Variants in CFAP299 observed in about 807,000 individuals in gnomAD.
The protein encoded by CFAP299 is cilia and flagella associated protein 299, also known as cilia- and flagella-associated protein 299.
Under a neutral mutation model 27.0 loss-of-function variants are expected in CFAP299, and 21 were observed. That is an observed-to-expected ratio of 0.78 (90% confidence interval 0.55 to 1.12). The LOEUF (loss-of-function observed/expected upper bound fraction) is 1.12, where lower values mean the gene tolerates loss of function less well. Ranked by LOEUF, CFAP299 falls within the 50% of genes most tolerant of loss-of-function variation. The pLI is 0.00. For synonymous variants in CFAP299, 104 were observed against 98.1 expected, an observed-to-expected ratio of 1.06 and a Z score of -0.36; for missense variants, 310 against 276.6, an observed-to-expected ratio of 1.12 and a Z score of -0.86.
chr4:80,958,930 G>A lies in CFAP299; in HGVS notation c.607-4587G>A, dbSNP rs766854341. Reference sequence around the variant, plus strand: ...ATTATAACCTGGAAGAGAGACTTCAGAGAAGCAGCAGAGTAAAACAGTACT... The same window carrying A: ...ATTATAACCTGGAAGAGAGACTTCAAAGAAGCAGCAGAGTAAAACAGTACT... On this transcript the variant is annotated intron_variant, in intron 5 of 5. Coordinates refer to ENST00000358105, the MANE Select transcript of CFAP299 (RefSeq NM_152770.3). Among the ~76,000 whole-genome samples, 26 of 152,306 alleles carry A rather than the reference G, an allele frequency of 1.7e-4. No homozygotes were observed. The East Asian group carries it at 3.9e-3, about 23-fold the overall frequency.
At chr4:80,669,145 CTTTCTTTTTTTT>C (rs1404007484) in intron 3 of CFAP299, among the ~76,000 whole-genome samples, 7 of 16,428 alleles carry the variant, frequency 4.3e-4, no homozygotes, top group South Asian at 0.011. Flanking sequence ...TTCTTTCTTT[CTTTCTTTTTTTT>C]TTTTTTTTTT....
intron 2 of CFAP299, among the ~76,000 whole-genome samples, chr4:80,578,962 G>A (rs1010875104): frequency 3.9e-5 from 6 of 152,144 alleles, no homozygotes; most frequent in African/African-American, 7.2e-5. Context: ...TCGCACAAGA[G>A]CATCTTTTTC....
chr4:80,744,526 G>T (rs1724473773), intron 3 of CFAP299, among the ~76,000 whole-genome samples: 1 of 151,816 alleles, frequency 6.6e-6, no homozygotes, highest in Non-Finnish European at 1.5e-5. Flanking sequence ...CATGTGAAGG[G>T]GTGACTTATT....
chr4:80,900,607 G>T (rs796131023), intron 4 of CFAP299, among the ~76,000 whole-genome samples: 4 of 152,140 alleles, frequency 2.6e-5, no homozygotes, highest in African/African-American at 9.6e-5. Flanking sequence ...TTAAGAAGGG[G>T]TTGCTTCTTT....
intron 4 of CFAP299, among the ~76,000 whole-genome samples, chr4:80,921,398 G>A (rs576399019): frequency 6.6e-6 from 1 of 152,032 alleles, no homozygotes; most frequent in African/African-American, 2.4e-5. Context: ...GTTCCTAGAG[G>A]AAGTGCTGAG....
At chr4:80,947,559 A>G (rs1182277715) in intron 5 of CFAP299, among the ~76,000 whole-genome samples, 1 of 152,112 alleles carries the variant, frequency 6.6e-6, no homozygotes, top group Non-Finnish European at 1.5e-5. Context: ...GTTCCTTTAA[A>G]GTACCAGGCC....
chr4:80,749,963 A>G lies in CFAP299; in HGVS notation c.334-120030A>G, dbSNP rs544217218. 4.6e-5 allele frequency among the ~76,000 whole-genome samples: 7 copies of G among 152,322 alleles called. No individual in the cohort carries two copies. The South Asian group carries it at 1.4e-3, about 32-fold the overall frequency. On this transcript the variant is annotated intron_variant, in intron 3 of 5. Transcript: ENST00000358105. ...ATCACAGTACTTATCATAGTACCTG[A>G]TACTTGGTAAGTGAATTATAAATCT...
intron 2 of CFAP299, among the ~76,000 whole-genome samples, chr4:80,551,871 C>T (rs1378591087): frequency 6.6e-6 from 1 of 152,000 alleles, no homozygotes; most frequent in African/African-American, 2.4e-5. Flanking sequence ...GCCTCAGCCT[C>T]CCGAATAGCT....
intron 3 of CFAP299, among the ~76,000 whole-genome samples, chr4:80,723,317 G>T (rs568902924): frequency 6.6e-6 from 1 of 152,220 alleles, no homozygotes; most frequent in East Asian, 1.9e-4. Context: ...AGCATTATTT[G>T]CAATAGCCCC....
intron 3 of CFAP299, among the ~76,000 whole-genome samples, chr4:80,747,465 G>T (rs1463908686): frequency 2.6e-5 from 4 of 152,066 alleles, no homozygotes; most frequent in African/African-American, 9.6e-5. Context: ...TGTGGTGCAT[G>T]AATGTATAAG....
chr4:80,827,502 C>A (rs1483308782), intron 3 of CFAP299, among the ~76,000 whole-genome samples: 11 of 151,702 alleles, frequency 7.3e-5, no homozygotes, highest in Admixed American at 7.2e-4. Context: ...AAGCATTCAA[C>A]AAAACTTGAC....
chr4:80,480,755 G>A (rs1361977230), intron 2 of CFAP299, among the ~76,000 whole-genome samples: 1 of 151,998 alleles, frequency 6.6e-6, no homozygotes, highest in East Asian at 1.9e-4. Flanking sequence ...ATGTTAGTAT[G>A]TGTTGAAAAA....
At chr4:80,605,262 CA>C (rs1177514368) in intron 3 of CFAP299, among the ~76,000 whole-genome samples, 2 of 152,060 alleles carry the variant, frequency 1.3e-5, no homozygotes, top group African/African-American at 2.4e-5. Context: ...TTCTTTTGAA[CA>C]ACATTTAGTT....
At position 80,963,690 on chromosome 4, in the gene CFAP299, G is replaced by A. The variant is rs72866922; in HGVS notation, c.*78G>A. The stretch of plus-strand genomic sequence containing the variant: ...GACAGAGCAAATTAGAATAATAAAT[G>A]AGCCCTGTAGCTGGAAGGCAAATTA... On this transcript the variant is annotated 3_prime_UTR_variant, in exon 6 of 6. Transcript: ENST00000358105. The A allele has an allele frequency of 0.013, 11,707 of 917,342 alleles. 962 individuals are homozygous for A. In the African/African-American group the frequency reaches 0.18, roughly 14 times the overall value. The allele number at this position is 917,342 out of a possible 1,614,324, so 56.8% of individuals were successfully genotyped here. A position where few individuals can be genotyped will look rare whatever the true frequency, so the allele number is the denominator to read the frequency against.
At chr4:80,883,943 G>C (rs1173575467) in intron 4 of CFAP299, among the ~76,000 whole-genome samples, 1 of 152,104 alleles carries the variant, frequency 6.6e-6, no homozygotes, top group African/African-American at 2.4e-5. Context: ...GAGGTTTGTT[G>C]TACCAATTAT....
intron 4 of CFAP299, among the ~76,000 whole-genome samples, chr4:80,918,211 T>C (rs916654982): frequency 1.3e-5 from 2 of 152,196 alleles, no homozygotes; most frequent in Non-Finnish European, 2.9e-5. Context: ...ATTCAGTGGA[T>C]TTCACAACAC....
rs1736282742 is a variant in CFAP299 at position 80,925,934 on chromosome 4, G to C, written c.477-18876G>C. On this transcript the variant is annotated intron_variant, in intron 4 of 5. Transcript: ENST00000358105. ...CAGCCTAGTTGAAATGACAGAATGTGAATCAGTTATTACAGAACAGAACTT... is the reference window on the plus strand; with the variant it reads ...CAGCCTAGTTGAAATGACAGAATGTCAATCAGTTATTACAGAACAGAACTT... Among the ~76,000 whole-genome samples the C allele has an allele frequency of 2.0e-5, 3 of 152,044 alleles. No homozygotes were observed. The South Asian group carries it at 6.2e-4, about 32-fold the overall frequency.
In CFAP299 at chr4:80,629,206, G is replaced by A. The variant is rs985998565; in HGVS notation, c.333+46023G>A. Among the ~76,000 whole-genome samples the A allele has an allele frequency of 8.5e-5, 13 of 152,068 alleles. 1 individual carries two copies. Among genetic ancestry groups the A allele is most frequent in the Admixed American group, 3.9e-4 (6 of 15,256 alleles). The stretch of plus-strand genomic sequence containing the variant: ...ACATTATGTTGAGTGAAATAGGCGG[G>A]GCACAGAAAGACAAATACCACCTGA... On this transcript the variant is annotated intron_variant, in intron 3 of 5. Coordinates refer to ENST00000358105, the MANE Select transcript of CFAP299 (RefSeq NM_152770.3).
In CFAP299 at chr4:80,438,481, T is replaced by C. The variant is rs201558548; in HGVS notation, c.242+75597T>C. On this transcript the variant is annotated intron_variant, in intron 2 of 5. Coordinates refer to ENST00000358105, the MANE Select transcript of CFAP299 (RefSeq NM_152770.3). ...TATGTGCTTACATATTTCATCTATTTGTGAGGATTAAGGTTGTCTGATTTT... is the reference window on the plus strand; with the variant it reads ...TATGTGCTTACATATTTCATCTATTCGTGAGGATTAAGGTTGTCTGATTTT... Among the ~76,000 whole-genome samples the C allele has an allele frequency of 2.6e-5, 4 of 152,344 alleles. No individual in the cohort carries two copies. The East Asian group carries it at 7.7e-4, about 29-fold the overall frequency.
Sources: gnomAD v4.1 joint callset for allele counts (sites outside exome capture counted in the v4.1 genomes callset) on GRCh38, gnomAD v4.1.1 for gene constraint, MANE v1.5 for transcripts, NCBI Gene and HGNC (gene_info 2026-07-23, HGNC 2026-07-21) for gene names.